FANCI: variants seen among roughly 807,000 people sequenced by gnomAD.
FANCI encodes Fanconi anemia group I protein.
In FANCI, 156 loss-of-function variants were observed where a neutral mutation model predicts 176.1. That is an observed-to-expected ratio of 0.89 (90% confidence interval 0.78 to 1.01). The LOEUF is 1.01. FANCI is among the 50% of genes least tolerant of loss of function. The probability of loss-of-function intolerance (pLI) is 0.00; values close to 1 mark genes in which losing one functional copy is unlikely to be tolerated. For missense variants in FANCI, 1,678 were observed against 1,534.1 expected, an observed-to-expected ratio of 1.09 and a Z score of -1.57; for synonymous variants, 613 against 541.7, an observed-to-expected ratio of 1.13 and a Z score of -1.83.
chr15:89,271,912 A>G (rs2053214980), intron 10 of FANCI, among the ~76,000 whole-genome samples: 1 of 152,234 alleles, frequency 6.6e-6, no homozygotes, highest in Non-Finnish European at 1.5e-5. Context: ...GCTGCCACTA[A>G]CATTCAAATG....
chr15:89,260,171 G>A (rs931627465), intron 3 of FANCI, among the ~76,000 whole-genome samples: 2 of 151,602 alleles, frequency 1.3e-5, no homozygotes, highest in South Asian at 4.2e-4. Context: ...ACATGATCCA[G>A]ATATTTTAAA....
chr15:89,296,103 G>T (rs747307447), intron 24 of FANCI, among the ~76,000 whole-genome samples: 4 of 152,168 alleles, frequency 2.6e-5, no homozygotes, highest in Middle Eastern at 6.8e-3. Flanking sequence ...AAGTAGCTGG[G>T]ATTACAGGGC....
chr15:89,292,696 G>C lies in FANCI; in HGVS notation c.2001G>C (p.Leu667=). The change falls in exon 21 of 38, where the codon CTG becomes CTC. Residue 667 remains leucine, a synonymous_variant. Coordinates refer to ENST00000310775, the MANE Select transcript of FANCI (RefSeq NM_001113378.2). ...CTTATTTTCTCCTACAGGATTATCT[G>C]CTGTGTTGTATTCAGCATTGTTTGG... ...KISLQEPLDY[L]LCCIQHCLAW... 6.2e-7 allele frequency: 1 copy of C among 1,613,468 alleles called. No individual in the cohort carries two copies. The highest frequency in any genetic ancestry group is 8.5e-7 in the Non-Finnish European group (1 of 1,179,894).
intron 2 of FANCI, among the ~76,000 whole-genome samples, chr15:89,257,905 A>G (rs571308556): frequency 1.3e-4 from 20 of 152,318 alleles, no homozygotes; most frequent in Admixed American, 5.9e-4. Context: ...TGAAAAATCT[A>G]TCATCCCATT....
In FANCI at chr15:89,300,287, T is replaced by C; in HGVS notation, c.2804-13T>C. On this transcript the variant is annotated splice_polypyrimidine_tract_variant and intron_variant, in intron 25 of 37. Coordinates refer to ENST00000310775, the MANE Select transcript of FANCI (RefSeq NM_001113378.2). ...TATATCAAAGAAGACAAGAGTTTCT[T>C]TTCCATTCCTAGATGTCACAGATAA... is the stretch of plus-strand genomic sequence containing the variant. 1 of 1,612,102 alleles carries C rather than the reference T, an allele frequency of 6.2e-7. No homozygotes were observed. The highest frequency in any genetic ancestry group is 8.5e-7 in the Non-Finnish European group (1 of 1,178,358).
chr15:89,314,963 C>T (rs1387020454), intron 36 of FANCI, among the ~76,000 whole-genome samples: 2 of 151,558 alleles, frequency 1.3e-5, no homozygotes, highest in African/African-American at 4.9e-5. Flanking sequence ...TGCCATCATA[C>T]CCCACTAGTT....
intron 25 of FANCI, 36 bp from the exon 26 acceptor site, chr15:89,300,264 T>C: frequency 6.3e-7 from 1 of 1,594,970 alleles, no homozygotes; most frequent in Non-Finnish European, 8.6e-7. Flanking sequence ...TATGAGTTTA[T>C]ATCAAAGAAG....
chr15:89,276,477 C>T (rs1391326410), intron 12 of FANCI, among the ~76,000 whole-genome samples: 1 of 152,094 alleles, frequency 6.6e-6, no homozygotes, highest in South Asian at 2.1e-4. Flanking sequence ...TCTCTAGCTT[C>T]TGGATTTTCC....
chr15:89,273,294 C>T (rs1462028140), intron 10 of FANCI, 83 bp from the exon 11 acceptor site: 4 of 755,102 alleles, frequency 5.3e-6, no homozygotes, highest in Non-Finnish European at 4.5e-6. Flanking sequence ...ACAGAGAGAC[C>T]CAATCTTTTT....
rs1400585448 is a variant in FANCI at position 89,291,664 on chromosome 15, G to A, written c.1942G>A (p.Glu648Lys). ...KPDLLPPLKL[E>K]ACILTQGDKI... ...TGATCTGCTGCCTCCTCTGAAATTA[G>A]AAGCTTGTATTCTGACCCAAGGAGA... is the stretch of plus-strand genomic sequence containing the variant. The change falls in exon 20 of 38, where the codon GAA (glutamate) becomes AAA (lysine). Residue 648 changes from glutamate (E) to lysine (K), a missense_variant. Around this residue, in one of 3 missense-constraint regions of FANCI, gnomAD observed 1,204 missense variants for 1,077.4 expected, o/e 1.12. Transcript: ENST00000310775. 1 of 1,613,840 alleles carries A rather than the reference G, an allele frequency of 6.2e-7. No individual in the cohort carries two copies.
rs768296894 is a variant in FANCI, at chr15:89,281,749, A to C, written c.1513-16A>C. 5.0e-6 allele frequency: 8 copies of C among 1,613,082 alleles called. No individual in the cohort carries two copies. In the African/African-American group the frequency reaches 8.0e-5, roughly 16 times the overall value. On this transcript the variant is annotated splice_polypyrimidine_tract_variant and intron_variant, in intron 15 of 37. Coordinates refer to ENST00000310775, the MANE Select transcript of FANCI (RefSeq NM_001113378.2). ...AAGCAAACTTGTTCTGTTTTTACCC[A>C]CTGATTCTTTTTCAGCCCCTTCTCA...
rs2052830189 is a variant in FANCI at position 89,263,999 on chromosome 15, C to G, written c.642C>G (p.Val214=). The part of the protein sequence containing the change: ...KMNLQEIPPL[V]YQLLVLSSKG... ...ATCTTCAAGAAATACCACCTTTGGT[C>G]TATCAGCTTCTGGTTCTCTCCTCCA... The change falls in exon 8 of 38, where the codon GTC becomes GTG. Residue 214 remains valine (V), a synonymous_variant. Coordinates refer to ENST00000310775, the MANE Select transcript of FANCI (RefSeq NM_001113378.2). 1.9e-6 allele frequency: 3 copies of G among 1,614,056 alleles called. No individual in the cohort carries two copies. Among genetic ancestry groups the G allele is most frequent in the Non-Finnish European group, 2.5e-6 (3 of 1,179,936 alleles).
At position 89,290,207 on chromosome 15, in the gene FANCI, T is replaced by G. The variant is rs1567163103; in HGVS notation, c.1822-6T>G. 1 of 1,611,840 alleles carries G rather than the reference T, an allele frequency of 6.2e-7. No individual in the cohort carries two copies. Among genetic ancestry groups the G allele is most frequent in the Non-Finnish European group, 8.5e-7 (1 of 1,178,006 alleles). ...GTGCTTATTTCTTCTCTTTGATTCCTCTTAGGGGTTTTATGATGTTCTTCG... is the reference window on the plus strand; with the variant it reads ...GTGCTTATTTCTTCTCTTTGATTCCGCTTAGGGGTTTTATGATGTTCTTCG... On this transcript the variant is annotated splice_polypyrimidine_tract_variant and splice_region_variant and intron_variant, in intron 18 of 37. Transcript: ENST00000310775.
chr15:89,254,101 G>T (rs1291037660), intron 2 of FANCI, among the ~76,000 whole-genome samples: 1 of 152,100 alleles, frequency 6.6e-6, no homozygotes, highest in Non-Finnish European at 1.5e-5. Flanking sequence ...GCTCACGCCT[G>T]TAATCCCAAC....
Position 89,258,780 on chromosome 15 carries a change from A to G in FANCI, c.157+4A>G. ...CTCCTGAGAGCCATCTTCAAAGGTA[A>G]TAATAATTAATGTCACTTCTGTCTG... On this transcript the variant is annotated splice_donor_region_variant and intron_variant, in intron 3 of 37. Coordinates refer to ENST00000310775, the MANE Select transcript of FANCI (RefSeq NM_001113378.2). 2 of 1,595,900 alleles carry G rather than the reference A, an allele frequency of 1.3e-6. No individual in the cohort carries two copies. Among genetic ancestry groups the G allele is most frequent in the East Asian group, 2.2e-5 (1 of 44,780 alleles).
Position 89,291,721 on chromosome 15 carries a change from CTT to C in FANCI, c.1992+10_1992+11del. The stretch of plus-strand genomic sequence containing the variant: ...CTCTCTACAAGAACCACTGGTGAGA[CTT>C]TTATTCTTCCTTCAACCATTATTTT... On this transcript the variant is annotated splice_region_variant and intron_variant, in intron 20 of 37. Transcript: ENST00000310775. 3 of 1,601,282 alleles carry C rather than the reference CTT, an allele frequency of 1.9e-6. No homozygotes were observed. The highest frequency in any genetic ancestry group is 1.1e-5 in the South Asian group (1 of 90,782).
chr15:89,285,417 G>A (rs781524881), intron 18 of FANCI, among the ~76,000 whole-genome samples, 199 bp downstream of exon 18: 2 of 152,138 alleles, frequency 1.3e-5, no homozygotes, highest in Middle Eastern at 3.2e-3. Flanking sequence ...CACCTTGTGA[G>A]GCCAAGGCAG....
At position 89,300,232 on chromosome 15, in the gene FANCI, T is replaced by C. The variant is rs2151843310; in HGVS notation, c.2804-68T>C. ...ACTTTTTTTTGGCTTTCAAAAATTT[T>C]AGCTATTAAAAGGCCAAAAAGTATG... is the stretch of plus-strand genomic sequence containing the variant. On this transcript the variant is annotated intron_variant, in intron 25 of 37. Coordinates refer to ENST00000310775, the MANE Select transcript of FANCI (RefSeq NM_001113378.2). The C allele has an allele frequency of 1.3e-5, 19 of 1,469,990 alleles. No individual in the cohort carries two copies. In the South Asian group the frequency reaches 2.2e-4, roughly 17 times the overall value. 91.1% of individuals were successfully genotyped at this position (1,469,990 alleles called of 1,614,324 possible). A position where few individuals can be genotyped will look rare whatever the true frequency, so the allele number is the denominator to read the frequency against.
At chr15:89,287,225 G>A (rs533071238) in intron 18 of FANCI, among the ~76,000 whole-genome samples, 8 of 152,092 alleles carry the variant, frequency 5.3e-5, no homozygotes, top group South Asian at 2.1e-4. Flanking sequence ...TGCCCGCCTC[G>A]GCCTCCTAAA....
Sources: allele counts gnomAD v4.1 joint callset (sites outside exome capture counted in the v4.1 genomes callset), GRCh38; gene constraint gnomAD v4.1.1; regional missense constraint gnomAD v4.1.1; transcripts MANE v1.5; gene names NCBI Gene and HGNC (gene_info 2026-07-23, HGNC 2026-07-21).